The following KCNN2 variants were observed in gnomAD, a reference collection of about 807,000 sequenced individuals.
The protein encoded by KCNN2 is potassium calcium-activated channel subfamily N member 2.
A neutral mutation model predicts 55.5 loss-of-function variants in KCNN2; 24 were observed. The observed-to-expected ratio is 0.43, with a 90% CI of 0.31 to 0.61. The LOEUF (loss-of-function observed/expected upper bound fraction) is 0.61. Among genes scored for constraint, KCNN2 ranks in the 20% least tolerant of loss-of-function variants. KCNN2 has a pLI of 0.08. For missense variants in KCNN2, 754 were observed against 853.6 expected (o/e 0.88, Z 1.45); for synonymous variants, 431 against 336.1 (o/e 1.28, Z -3.09).
chr5:114,235,696 A>G (rs892320325), intron 2 of KCNN2, among the ~76,000 whole-genome samples: 1 of 152,226 alleles, frequency 6.6e-6, no homozygotes, highest in Non-Finnish European at 1.5e-5. Context: ...TTAAATCTCT[A>G]GTACACAATG....
chr5:114,285,418 A>G (rs1489197182), intron 2 of KCNN2, among the ~76,000 whole-genome samples: 1 of 152,114 alleles, frequency 6.6e-6, no homozygotes, highest in Admixed American at 6.6e-5. Flanking sequence ...CAAGTGGTTT[A>G]ATAATGTTAG....
chr5:114,071,602 T>C (rs1395109917), intron 1 of KCNN2, among the ~76,000 whole-genome samples: 1 of 152,206 alleles, frequency 6.6e-6, no homozygotes, highest in African/African-American at 2.4e-5. Flanking sequence ...TTCATTGATA[T>C]ATCACCTAAA....
intron 1 of KCNN2, among the ~76,000 whole-genome samples, chr5:114,174,719 A>G (rs911117803): frequency 6.6e-6 from 1 of 152,188 alleles, no homozygotes; most frequent in Non-Finnish European, 1.5e-5. Context: ...ACAGGATGTC[A>G]TGAAATTTAA....
chr5:114,458,390 A>G (rs1459783), intron 3 of KCNN2, among the ~76,000 whole-genome samples: 142,906 of 152,260 alleles, frequency 0.94, 67,747 homozygotes, highest in East Asian at 1. Flanking sequence ...ATCTTGGAAC[A>G]TAACACGACA....
chr5:114,265,112 G>A (rs1255127668), intron 2 of KCNN2, among the ~76,000 whole-genome samples: 6 of 151,992 alleles, frequency 3.9e-5, no homozygotes, highest in African/African-American at 7.3e-5. Flanking sequence ...TTGGTGAGGA[G>A]GTAGTATTTT....
chr5:114,248,061 T>A (rs1033306708), intron 2 of KCNN2, among the ~76,000 whole-genome samples: 1 of 152,220 alleles, frequency 6.6e-6, no homozygotes, highest in Admixed American at 6.5e-5. Context: ...GCAAGAATGT[T>A]CAACATGTTG....
chr5:114,152,137 C>T (rs1468081279), intron 1 of KCNN2, among the ~76,000 whole-genome samples: 1 of 152,054 alleles, frequency 6.6e-6, no homozygotes, highest in Admixed American at 6.6e-5. Context: ...ATAAAAATGT[C>T]TCATTATAGT....
chr5:114,475,857 TG>T lies in KCNN2; in HGVS notation c.1890+2694del, dbSNP rs541778572. ...TTCCCAAACTGACAAAGTTTTCTGA[TG>T]ATGCTACAGCTTTTTTGTTGTAAGT... is the stretch of plus-strand genomic sequence containing the variant. On this transcript the variant is annotated intron_variant, in intron 5 of 7. Coordinates refer to ENST00000673685, the MANE Select transcript of KCNN2 (RefSeq NM_021614.4). 5.8e-3 allele frequency among the ~76,000 whole-genome samples: 882 copies of T among 152,272 alleles called. 4 individuals are homozygous for T. The highest frequency in any genetic ancestry group is 0.01 in the Non-Finnish European group (685 of 68,018).
At chr5:114,271,313 T>G (rs892195506) in intron 2 of KCNN2, among the ~76,000 whole-genome samples, 25 of 152,220 alleles carry the variant, frequency 1.6e-4, no homozygotes, top group African/African-American at 5.8e-4. Context: ...TGGTGCATTT[T>G]TACAGAGTGC....
chr5:114,337,277 G>C (rs1209264270), intron 2 of KCNN2, among the ~76,000 whole-genome samples: 1 of 152,166 alleles, frequency 6.6e-6, no homozygotes, highest in Admixed American at 6.5e-5. Context: ...GAAAATTTAG[G>C]AGGTGGGTCA....
At chr5:114,361,724 G>A (rs1037478884), upstream of KCNN2, among the ~76,000 whole-genome samples, 3 of 152,192 alleles carry the variant, frequency 2.0e-5, no homozygotes, top group African/African-American at 4.8e-5. Flanking sequence ...CTAGTCAAGG[G>A]GGCAGCGGCA....
chr5:114,270,823 G>T (rs527250562), intron 2 of KCNN2, among the ~76,000 whole-genome samples: 1 of 152,288 alleles, frequency 6.6e-6, no homozygotes, highest in Admixed American at 6.5e-5. Context: ...AGTTCTTAAG[G>T]ATGGTGTGTC....
Position 114,487,101 on chromosome 5 carries a change from A to C in KCNN2, c.1942A>C (p.Asn648His), listed in dbSNP as rs1172175451. 2 of 1,613,000 alleles carry C rather than the reference A, an allele frequency of 1.2e-6. No individual in the cohort carries two copies. The highest frequency in any genetic ancestry group is 2.7e-5 in the African/African-American group (2 of 74,884). The change falls in exon 6 of 8, where the codon AAT becomes CAT. Residue 648 changes from asparagine (N) to histidine (H), a missense_variant. Asn to His is a moderately conservative substitution (Grantham distance 68). This residue lies in a region of KCNN2 where 86 missense variants were observed against 233.0 expected (regional missense o/e 0.37). Coordinates refer to ENST00000673685, the MANE Select transcript of KCNN2 (RefSeq NM_021614.4). ...VLRETWLIYK[N>H]TKLVKKIDHA... ...CAGGGAAACATGGCTAATTTACAAA[A>C]ATACAAAGCTAGTGAAAAAGATAGA...
chr5:114,393,226 A>G (rs1336227632), intron 2 of KCNN2, among the ~76,000 whole-genome samples: 1 of 152,182 alleles, frequency 6.6e-6, no homozygotes, highest in Non-Finnish European at 1.5e-5. Flanking sequence ...TGAATGAAAA[A>G]AAGAGAGCTT....
intron 3 of KCNN2, among the ~76,000 whole-genome samples, chr5:114,455,571 G>C (rs1014196465): frequency 6.6e-6 from 1 of 152,158 alleles, no homozygotes; most frequent in Non-Finnish European, 1.5e-5. Context: ...GAAGGATTGC[G>C]TATCTCTCAC....
intron 1 of KCNN2, among the ~76,000 whole-genome samples, chr5:114,171,041 C>G (rs1753022627): frequency 6.6e-6 from 1 of 151,956 alleles, no homozygotes; most frequent in African/African-American, 2.4e-5. Flanking sequence ...TTGAATAGGA[C>G]TTGTGGTCTG....
chr5:114,120,652 G>C (rs1356898335), intron 1 of KCNN2, among the ~76,000 whole-genome samples: 1 of 152,190 alleles, frequency 6.6e-6, no homozygotes, highest in African/African-American at 2.4e-5. Context: ...GGGAACCTGA[G>C]TATTGGCAAA....
intron 1 of KCNN2, among the ~76,000 whole-genome samples, chr5:114,157,144 A>G (rs4705628): frequency 0.81 from 109,591 of 135,288 alleles, 45,553 homozygotes; most frequent in East Asian, 0.95. Context: ...TCCTAATGCT[A>G]TCCCTCCCCC....
intron 2 of KCNN2, among the ~76,000 whole-genome samples, chr5:114,396,206 G>A (rs143376697): frequency 6.6e-6 from 1 of 152,090 alleles, no homozygotes; most frequent in African/African-American, 2.4e-5. Context: ...GTTCTGACAA[G>A]ATTTCTACTT....
Sources: gnomAD v4.1 joint callset for allele counts (sites outside exome capture counted in the v4.1 genomes callset) on GRCh38, gnomAD v4.1.1 for gene constraint, gnomAD v4.1.1 regional missense constraint, MANE v1.5 for transcripts, NCBI Gene and HGNC (gene_info 2026-07-23, HGNC 2026-07-21) for gene names.